MAML3: variants seen among roughly 807,000 people sequenced by gnomAD.
The protein encoded by MAML3 is mastermind-like protein 3.
Under a neutral mutation model 101.9 loss-of-function variants are expected in MAML3, and 27 were observed. The ratio of observed to expected loss-of-function variants is 0.27; its 90% CI spans 0.20 to 0.37. The LOEUF (loss-of-function observed/expected upper bound fraction) is 0.37, where lower values mean the gene tolerates loss of function less well. Among genes scored for constraint, MAML3 ranks in the 10% least tolerant of loss-of-function variants. MAML3 has a pLI of 1.00. For missense variants in MAML3, 1,316 were observed against 1,444.9 expected (o/e 0.91, Z 1.45); for synonymous variants, 501 against 555.9 (o/e 0.90, Z 1.39).
intron 1 of MAML3, among the ~76,000 whole-genome samples, chr4:140,031,359 G>A (rs908771310): frequency 6.6e-6 from 1 of 152,086 alleles, no homozygotes; most frequent in Non-Finnish European, 1.5e-5. Flanking sequence ...TATTATTATA[G>A]AAAGAATAAA....
intron 1 of MAML3, among the ~76,000 whole-genome samples, chr4:139,955,379 T>C (rs904779573): frequency 1.3e-5 from 2 of 152,080 alleles, no homozygotes; most frequent in African/African-American, 4.8e-5. Context: ...AGAGAAGGGA[T>C]AGAGGTATTC....
chr4:139,745,555 T>C (rs1729293107), intron 2 of MAML3, among the ~76,000 whole-genome samples: 1 of 152,118 alleles, frequency 6.6e-6, no homozygotes, highest in African/African-American at 2.4e-5. Flanking sequence ...AGAATTCTCA[T>C]GTGCAAATAT....
At position 140,120,048 on chromosome 4, in the gene MAML3, T is replaced by C. The variant is rs888460883; in HGVS notation, c.468+32812A>G. On this transcript the variant is annotated intron_variant, in intron 1 of 4. Coordinates refer to ENST00000509479, the MANE Select transcript of MAML3 (RefSeq NM_018717.5). ...GTCAGGAGATCGAGACCATCCTGGCTAACACGGTGAAACCCCGTCTCTACT... is the reference window on the plus strand; with the variant it reads ...GTCAGGAGATCGAGACCATCCTGGCCAACACGGTGAAACCCCGTCTCTACT... Among the ~76,000 whole-genome samples, 5 of 151,672 alleles carry C rather than the reference T, an allele frequency of 3.3e-5. No individual in the cohort carries two copies. The East Asian group carries it at 9.7e-4, about 29-fold the overall frequency.
intron 1 of MAML3, among the ~76,000 whole-genome samples, chr4:139,959,988 T>C (rs1257869122): frequency 6.6e-6 from 1 of 152,036 alleles, no homozygotes; most frequent in African/African-American, 2.4e-5. Flanking sequence ...CACAGACAAA[T>C]TGAAAAGCAG....
In MAML3 at chr4:139,801,631, AGGGTGTGTGT is replaced by A. The variant is rs1454630492; in HGVS notation, c.2080-70974_2080-70965del. On this transcript the variant is annotated intron_variant, in intron 2 of 4. Coordinates refer to ENST00000509479, the MANE Select transcript of MAML3 (RefSeq NM_018717.5). ...GACCTAATTTGAAAAGAGCAGGAAC[AGGGTGTGTGT>A]GGGTGTGTGTGTGTGTGTGTGTGTG... 2.1e-3 allele frequency among the ~76,000 whole-genome samples: 151 copies of A among 70,606 alleles called. 2 individuals carry two copies. Among genetic ancestry groups the A allele is most frequent in the African/African-American group, 6.2e-3 (129 of 20,676 alleles). The allele number at this position is 70,606 out of a possible 152,430, so 46.3% of individuals were successfully genotyped here.
At chr4:139,928,458 T>G (rs1733311513) in intron 1 of MAML3, among the ~76,000 whole-genome samples, 1 of 152,058 alleles carries the variant, frequency 6.6e-6, no homozygotes, top group Non-Finnish European at 1.5e-5. Context: ...GAGAAACAAC[T>G]AAATTGCTCT....
At chr4:140,039,247 C>T (rs1031140652) in intron 1 of MAML3, among the ~76,000 whole-genome samples, 6 of 152,178 alleles carry the variant, frequency 3.9e-5, no homozygotes, top group African/African-American at 1.4e-4. Context: ...ACCACACCAG[C>T]CTCACAGAAA....
chr4:139,824,231 C>A (rs549544278), intron 2 of MAML3, among the ~76,000 whole-genome samples: 1 of 152,136 alleles, frequency 6.6e-6, no homozygotes, highest in Non-Finnish European at 1.5e-5. Flanking sequence ...ACCTGCAAGT[C>A]GCTTATATTG....
chr4:139,942,517 C>T (rs1389205074), intron 1 of MAML3, among the ~76,000 whole-genome samples: 1 of 152,174 alleles, frequency 6.6e-6, no homozygotes, highest in African/African-American at 2.4e-5. Flanking sequence ...AGAGCCACTG[C>T]CCTATGACAT....
At chr4:139,829,058 A>G (rs1007395952) in intron 2 of MAML3, among the ~76,000 whole-genome samples, 1 of 150,222 alleles carries the variant, frequency 6.7e-6, no homozygotes, top group African/African-American at 2.5e-5. Context: ...GGGAGGAAGG[A>G]AAGAAGGAAG....
intron 2 of MAML3, among the ~76,000 whole-genome samples, chr4:139,861,577 A>G (rs547433127): frequency 2.6e-5 from 4 of 152,148 alleles, no homozygotes; most frequent in Non-Finnish European, 5.9e-5. Context: ...AGATAAGGAA[A>G]TCAAACTCAC....
intron 1 of MAML3, among the ~76,000 whole-genome samples, chr4:140,026,063 G>C (rs1404294425): frequency 6.6e-6 from 1 of 152,036 alleles, no homozygotes; most frequent in Non-Finnish European, 1.5e-5. Context: ...CTTAACATAC[G>C]TCAATCTTCA....
chr4:140,080,239 GAA>G (rs1452251227), intron 1 of MAML3, among the ~76,000 whole-genome samples: 1 of 152,252 alleles, frequency 6.6e-6, no homozygotes, highest in Non-Finnish European at 1.5e-5. Flanking sequence ...AGCTAGCACA[GAA>G]ATGCCTGCAG....
Position 140,153,292 on chromosome 4 carries a change from A to T in MAML3, c.36T>A (p.Asn12Lys), listed in dbSNP as rs1578713658. ...TACTGTTGATGCAAATACTACTGCCATTCGCGGCAGCAGCGGGGGCTGCGA... is the reference window on the plus strand; with the variant it reads ...TACTGTTGATGCAAATACTACTGCCTTTCGCGGCAGCAGCGGGGGCTGCGA... ...GDFAAPAAAA[N>K]GSSICINSSL... The change falls in exon 1 of 5, where the codon AAT (asparagine) becomes AAA (lysine). Residue 12 changes from asparagine (N) to lysine (K), a missense_variant. Transcript: ENST00000509479. 1.2e-6 allele frequency: 2 copies of T among 1,602,102 alleles called. No homozygotes were observed. Among genetic ancestry groups the T allele is most frequent in the Middle Eastern group, 1.7e-4 (1 of 6,020 alleles).
chr4:139,717,758 G>A lies in MAML3; in HGVS notation c.*1565C>T, dbSNP rs548692922. 2 of 152,562 alleles carry A rather than the reference G, an allele frequency of 1.3e-5. No homozygotes were observed. The highest frequency in any genetic ancestry group is 3.9e-4 in the East Asian group (2 of 5,186). 9.5% of individuals were successfully genotyped at this position (152,562 alleles called of 1,614,324 possible). ...AGGCAGCCAGCGTCTAGGACACGGA[G>A]GGAGGAGGGGACAGGAAAAAAGCAC... On this transcript the variant is annotated 3_prime_UTR_variant, in exon 5 of 5. Coordinates refer to ENST00000509479, the MANE Select transcript of MAML3 (RefSeq NM_018717.5).
At chr4:139,885,409 A>AAAAG (rs1206210393) in intron 2 of MAML3, among the ~76,000 whole-genome samples, 4 of 152,076 alleles carry the variant, frequency 2.6e-5, no homozygotes, top group Non-Finnish European at 5.9e-5. Context: ...CTTTCTCAAA[A>AAAAG]AAAGAAAGAA....
At chr4:139,753,127 C>T (rs1448162773) in intron 2 of MAML3, among the ~76,000 whole-genome samples, 1 of 152,168 alleles carries the variant, frequency 6.6e-6, no homozygotes, top group Non-Finnish European at 1.5e-5. Flanking sequence ...CACTCAATTC[C>T]TATTTTCCTT....
Position 140,153,532 on chromosome 4 carries a change from A to G in MAML3, c.-205T>C. The G allele has an allele frequency of 3.6e-6, 2 of 549,008 alleles. No individual in the cohort carries two copies. The highest frequency in any genetic ancestry group is 6.2e-6 in the Non-Finnish European group (2 of 320,446). 34.0% of individuals were successfully genotyped at this position (549,008 alleles called of 1,614,324 possible). ...TTTGTTTCCTTTTTTTAAACTGTAA[A>G]AGCTCAAGGGGAAGAAAAGGGGGGA... On this transcript the variant is annotated 5_prime_UTR_variant, in exon 1 of 5. Coordinates refer to ENST00000509479, the MANE Select transcript of MAML3 (RefSeq NM_018717.5).
intron 1 of MAML3, among the ~76,000 whole-genome samples, chr4:140,143,295 C>T (rs1015140710): frequency 6.6e-6 from 1 of 152,152 alleles, no homozygotes; most frequent in African/African-American, 2.4e-5. Context: ...GGCTTGTGCA[C>T]GAGTGAAATA....
Sources: allele counts gnomAD v4.1 joint callset (sites outside exome capture counted in the v4.1 genomes callset), GRCh38; gene constraint gnomAD v4.1.1; transcripts MANE v1.5; gene names NCBI Gene and HGNC (gene_info 2026-07-23, HGNC 2026-07-21).